Variants in ARHGAP6 observed in about 807,000 individuals in gnomAD.
ARHGAP6 encodes Rho GTPase activating protein 6.
In ARHGAP6, 16 loss-of-function variants were observed where a neutral mutation model predicts 55.7. The observed-to-expected ratio is 0.29, with a 90% CI of 0.19 to 0.44. The LOEUF is 0.44. Ranked by LOEUF, ARHGAP6 falls within the 20% of genes least tolerant of loss-of-function variation. The probability of loss-of-function intolerance (pLI) is 1.00; values close to 1 mark genes in which losing one functional copy is unlikely to be tolerated. For synonymous variants in ARHGAP6, 382 were observed against 360.9 expected (o/e 1.06, Z -0.66); for missense variants, 698 against 808.9 (o/e 0.86, Z 1.66).
At position 11,664,654 on chromosome X, in the gene ARHGAP6, C is replaced by T; in HGVS notation, c.175G>A (p.Gly59Arg). The change falls in exon 1 of 13, where the codon GGA becomes AGA. Residue 59 changes from glycine (G) to arginine (R), a missense_variant. Physicochemically the swap from Gly to Arg is moderately radical, Grantham distance 125 (BLOSUM62 -2). This residue lies in a region of ARHGAP6 where 164 missense variants were observed against 149.2 expected (regional missense o/e 1.10). Transcript: ENST00000337414. ...DEAGAEGSAR[G>R]ATAGRLYSPS... The stretch of plus-strand genomic sequence containing the variant: ...GAGTAGAGGCGGCCCGCCGTGGCTC[C>T]CCGCGCACTGCCCTCCGCGCCCGCC... 1 of 1,161,982 alleles carries T rather than the reference C, an allele frequency of 8.6e-7. No homozygotes were observed. Among genetic ancestry groups the T allele is most frequent in the Non-Finnish European group, 1.1e-6 (1 of 871,097 alleles).
At chrX:11,469,944 G>A (rs2050331715) in intron 1 of ARHGAP6, among the ~76,000 whole-genome samples, 1 of 111,201 alleles carries the variant, frequency 9.0e-6, no homozygotes, top group African/African-American at 3.3e-5. Flanking sequence ...GGAGGAAGCA[G>A]CCTCAGATCC....
chrX:11,619,674 G>A (rs2052205532), intron 1 of ARHGAP6, among the ~76,000 whole-genome samples: 1 of 111,753 alleles, frequency 8.9e-6, no homozygotes. Context: ...CAAAGAGTAG[G>A]GTTCAAACAA....
intron 1 of ARHGAP6, among the ~76,000 whole-genome samples, chrX:11,520,408 A>AAG (rs2050909230): frequency 9.6e-6 from 1 of 104,154 alleles, no homozygotes; most frequent in African/African-American, 3.5e-5. Context: ...GAGAACACGC[A>AAG]GTGTTTGGTT....
In ARHGAP6 at chrX:11,560,321, C is replaced by T. The variant is rs188785631; in HGVS notation, c.588+103920G>A. Among the ~76,000 whole-genome samples the T allele has an allele frequency of 1.3e-4, 15 of 112,136 alleles. No individual in the cohort carries two copies. The East Asian group carries it at 3.9e-3, about 29-fold the overall frequency. On this transcript the variant is annotated intron_variant, in intron 1 of 12. Transcript: ENST00000337414. The stretch of plus-strand genomic sequence containing the variant: ...ATAAAACCTTATTTCCAAAAATAAG[C>T]AGCAGGTTGAATTTGGCCTGCAGGC...
chrX:11,369,002 C>G (rs1046970764), intron 1 of ARHGAP6, among the ~76,000 whole-genome samples: 3 of 111,422 alleles, frequency 2.7e-5, no homozygotes, highest in African/African-American at 9.8e-5. Flanking sequence ...CCTAATGTGC[C>G]AGGGTAATTA....
intron 9 of ARHGAP6, among the ~76,000 whole-genome samples, chrX:11,167,173 G>A (rs937007971): frequency 4.5e-5 from 5 of 111,853 alleles, no homozygotes; most frequent in African/African-American, 1.6e-4. Context: ...GGGTAATGCA[G>A]TAAAGAAAGT....
intron 1 of ARHGAP6, among the ~76,000 whole-genome samples, chrX:11,493,835 C>CTTTT (rs35315280): frequency 0.064 from 5,641 of 88,294 alleles, 278 homozygotes; most frequent in East Asian, 0.16. Context: ...AACAGAATGC[C>CTTTT]TTTTTTTTTT....
intron 1 of ARHGAP6, among the ~76,000 whole-genome samples, chrX:11,261,658 C>A (rs2047563431): frequency 1.8e-5 from 2 of 111,506 alleles, no homozygotes; most frequent in Admixed American, 1.9e-4. Context: ...AAGACCTTGG[C>A]AGTTGTAAAA....
intron 1 of ARHGAP6, among the ~76,000 whole-genome samples, chrX:11,520,763 T>C (rs2147877700): frequency 8.9e-6 from 1 of 111,823 alleles, no homozygotes; most frequent in South Asian, 3.8e-4. Context: ...GTTGAACTAG[T>C]TTACAGTCCC....
At chrX:11,598,229 G>A (rs913355887) in intron 1 of ARHGAP6, among the ~76,000 whole-genome samples, 4 of 111,958 alleles carry the variant, frequency 3.6e-5, no homozygotes, top group African/African-American at 6.5e-5. Context: ...TCACAGGGAT[G>A]GAAACTCTGG....
intron 12 of ARHGAP6, among the ~76,000 whole-genome samples, chrX:11,140,051 A>G (rs915873615): frequency 3.6e-5 from 4 of 111,279 alleles, no homozygotes; most frequent in Non-Finnish European, 5.7e-5. Flanking sequence ...GGAAAGGCTG[A>G]CTTGGTGATC....
chrX:11,495,060 A>T (rs1295820348), intron 1 of ARHGAP6, among the ~76,000 whole-genome samples: 1 of 112,174 alleles, frequency 8.9e-6, no homozygotes, highest in African/African-American at 3.2e-5. Context: ...CAGTCTCAGG[A>T]CCTATATTTG....
At chrX:11,540,020 C>G (rs2051141654) in intron 1 of ARHGAP6, among the ~76,000 whole-genome samples, 1 of 110,450 alleles carries the variant, frequency 9.1e-6, no homozygotes. Context: ...CTTAGGGAGG[C>G]CGAGGTAGGC....
intron 1 of ARHGAP6, among the ~76,000 whole-genome samples, chrX:11,260,313 T>G (rs769114711): frequency 9.0e-6 from 1 of 111,259 alleles, no homozygotes; most frequent in East Asian, 2.8e-4. Context: ...GGAAATGAAT[T>G]CAAGAGTAAG....
chrX:11,208,355 CG>C (rs907566475), intron 2 of ARHGAP6, among the ~76,000 whole-genome samples: 4 of 111,167 alleles, frequency 3.6e-5, no homozygotes, highest in African/African-American at 1.3e-4. Context: ...TTCAAAAGCC[CG>C]GGTTGTTGAA....
At position 11,271,175 on chromosome X, in the gene ARHGAP6, A is replaced by T. The variant is rs180878191; in HGVS notation, c.589-16468T>A. On this transcript the variant is annotated intron_variant, in intron 1 of 12. Transcript: ENST00000337414. ...CATTTATTCTGTTATGGGTATATTC[A>T]CTGCTCATTAAACATGGAATGGATT... Among the ~76,000 whole-genome samples, 4 of 111,783 alleles carry T rather than the reference A, an allele frequency of 3.6e-5. No individual in the cohort carries two copies. In the East Asian group the frequency reaches 1.1e-3, roughly 32 times the overall value.
At position 11,452,826 on chromosome X, in the gene ARHGAP6, A is replaced by G. The variant is rs761886874; in HGVS notation, c.589-198119T>C. Among the ~76,000 whole-genome samples the G allele has an allele frequency of 5.4e-5, 6 of 111,426 alleles. No individual in the cohort carries two copies. In the East Asian group the frequency reaches 1.7e-3, roughly 32 times the overall value. On this transcript the variant is annotated intron_variant, in intron 1 of 12. Transcript: ENST00000337414. ...TCCCCTGGGCTTTGTCCAAGGGCAG[A>G]AAGCTCACTTAGTTATTAAGATAAA...
At chrX:11,361,893 C>A (rs2049016579) in intron 1 of ARHGAP6, among the ~76,000 whole-genome samples, 2 of 112,319 alleles carry the variant, frequency 1.8e-5, no homozygotes, top group East Asian at 5.5e-4. Context: ...AGCCAAAAGA[C>A]ACACGACAAA....
intron 1 of ARHGAP6, among the ~76,000 whole-genome samples, chrX:11,628,973 T>G (rs1475686961): frequency 1.0e-5 from 1 of 96,763 alleles, no homozygotes; most frequent in Admixed American, 1.2e-4. Context: ...ATCATCCCCA[T>G]GCTTCAGATA....
Sources: allele counts gnomAD v4.1 joint callset (sites outside exome capture counted in the v4.1 genomes callset), GRCh38; gene constraint gnomAD v4.1.1; regional missense constraint gnomAD v4.1.1; transcripts MANE v1.5; gene names NCBI Gene and HGNC (gene_info 2026-07-23, HGNC 2026-07-21).